WIPF2: variants seen among roughly 807,000 people sequenced by gnomAD.
The protein encoded by WIPF2 is WAS/WASL interacting protein family member 2, also known as WAS/WASL-interacting protein family member 2.
WIPF2 carries 23 observed loss-of-function variants against 38.8 expected under a neutral mutation model. The observed-to-expected ratio is 0.59, with a 90% confidence interval of 0.43 to 0.84. The LOEUF (loss-of-function observed/expected upper bound fraction) is 0.84, where lower values mean the gene tolerates loss of function less well. Ranked by LOEUF, WIPF2 falls within the 40% of genes least tolerant of loss-of-function variation. The pLI is 0.00. For synonymous variants in WIPF2, 210 were observed against 223.2 expected, an observed-to-expected ratio of 0.94 and a Z score of 0.53; for missense variants, 574 against 580.5, an observed-to-expected ratio of 0.99 and a Z score of 0.11.
intron 1 of WIPF2, among the ~76,000 whole-genome samples, chr17:40,228,048 C>T (rs1384489397): frequency 8.8e-6 from 1 of 114,120 alleles, no homozygotes; most frequent in Non-Finnish European, 1.7e-5. Flanking sequence ...CGGAGTCTCG[C>T]TCTGTCGCCC....
At chr17:40,266,929 G>A (rs1181634568) in intron 5 of WIPF2, among the ~76,000 whole-genome samples, 1 of 152,194 alleles carries the variant, frequency 6.6e-6, no homozygotes, top group Non-Finnish European at 1.5e-5. Flanking sequence ...GTAGGTGGGT[G>A]TAGTGGTAGA....
In WIPF2 at chr17:40,234,786, G is replaced by A. The variant is rs115133662; in HGVS notation, c.-70+15294G>A. Among the ~76,000 whole-genome samples the A allele has an allele frequency of 4.1e-3, 627 of 152,222 alleles. 3 individuals are homozygous for A. The highest frequency in any genetic ancestry group is 0.015 in the African/African-American group (610 of 41,522). ...CTTAGCTGCCTTAAGCACCAAAACA[G>A]GCAGTTTGCAGAAAATTAGAAATGG... On this transcript the variant is annotated intron_variant, in intron 1 of 7. Transcript: ENST00000323571.
rs547512343 is a variant in WIPF2, at chr17:40,229,148, G to A, written c.-70+9656G>A. On this transcript the variant is annotated intron_variant, in intron 1 of 7. Coordinates refer to ENST00000323571, the MANE Select transcript of WIPF2 (RefSeq NM_133264.5). ...TTTTTTTTAGATGAGTTTTGTTCTT[G>A]TTGCCCAGGCTGGAGTGCAATGGCA... is the stretch of plus-strand genomic sequence containing the variant. 5.3e-5 allele frequency among the ~76,000 whole-genome samples: 8 copies of A among 149,752 alleles called. No homozygotes were observed. In the South Asian group the frequency reaches 1.7e-3, roughly 32 times the overall value.
At chr17:40,224,424 T>C (rs1237113856) in intron 1 of WIPF2, among the ~76,000 whole-genome samples, 1 of 149,244 alleles carries the variant, frequency 6.7e-6, no homozygotes, top group Non-Finnish European at 1.5e-5. Flanking sequence ...TTTTTTTTTT[T>C]TTGTAGTAGA....
intron 1 of WIPF2, among the ~76,000 whole-genome samples, chr17:40,237,623 T>C (rs1018926156): frequency 6.6e-6 from 1 of 151,732 alleles, no homozygotes; most frequent in Non-Finnish European, 1.5e-5. Context: ...TAATTCCTGT[T>C]ATCAGTTTGT....
Position 40,258,119 on chromosome 17 carries a change from G to A in WIPF2, c.63+1597G>A, listed in dbSNP as rs369917655. On this transcript the variant is annotated intron_variant, in intron 2 of 7. Transcript: ENST00000323571. ...AAGGAGATAAAAGCAGAGCTTGGCC[G>A]GGCACGAGTGGCTCACGCCTGGAAT... is the stretch of plus-strand genomic sequence containing the variant. Among the ~76,000 whole-genome samples the A allele has an allele frequency of 1.8e-4, 28 of 152,284 alleles. No individual in the cohort carries two copies. The South Asian group carries it at 4.1e-3, about 23-fold the overall frequency.
intron 1 of WIPF2, chr17:40,220,614 TATATGTATATATA>T (rs2030180563): frequency 9.9e-6 from 1 of 101,432 alleles, no homozygotes; most frequent in Admixed American, 1.1e-4. Flanking sequence ...TATATATATA[TATATGTATATATA>T]TATATTTTTT....
intron 1 of WIPF2, among the ~76,000 whole-genome samples, chr17:40,234,951 C>T (rs980504681): frequency 6.6e-6 from 1 of 151,828 alleles, no homozygotes; most frequent in African/African-American, 2.4e-5. Context: ...GAGTCTTGCC[C>T]TGTCACCCAG....
At chr17:40,237,042 C>G (rs953567585) in intron 1 of WIPF2, among the ~76,000 whole-genome samples, 1 of 152,052 alleles carries the variant, frequency 6.6e-6, no homozygotes, top group Non-Finnish European at 1.5e-5. Flanking sequence ...ATTCATCATA[C>G]TCAGCATTCA....
chr17:40,247,809 T>C (rs1445904852), intron 1 of WIPF2, among the ~76,000 whole-genome samples: 2 of 152,252 alleles, frequency 1.3e-5, no homozygotes, highest in African/African-American at 4.8e-5. Flanking sequence ...GCTGAGCCAG[T>C]GCACCCAGCC....
At chr17:40,240,929 A>G (rs925044627) in intron 1 of WIPF2, among the ~76,000 whole-genome samples, 3 of 149,110 alleles carry the variant, frequency 2.0e-5, no homozygotes, top group African/African-American at 7.4e-5. Flanking sequence ...TGGGCAACAG[A>G]ATGAGACTCC....
chr17:40,250,491 C>T (rs1040559183), intron 1 of WIPF2, among the ~76,000 whole-genome samples: 5 of 150,216 alleles, frequency 3.3e-5, no homozygotes, highest in African/African-American at 9.8e-5. Flanking sequence ...CCTTGTGATC[C>T]GCCCACCTCG....
chr17:40,229,862 C>T (rs28537537), intron 1 of WIPF2, among the ~76,000 whole-genome samples: 15,863 of 152,118 alleles, frequency 0.1, 967 homozygotes, highest in East Asian at 0.3. Context: ...AGGGTGAAAC[C>T]TAAGAATGAA....
intron 1 of WIPF2, among the ~76,000 whole-genome samples, chr17:40,240,838 G>A (rs749755953): frequency 4.6e-5 from 7 of 151,682 alleles, no homozygotes; most frequent in Non-Finnish European, 7.4e-5. Context: ...CCAGCTACTC[G>A]GGAGGCTGAG....
At chr17:40,264,443 A>G in intron 4 of WIPF2, 47 bp from the exon 5 acceptor site, 3 of 1,588,404 alleles carry the variant, frequency 1.9e-6, no homozygotes, top group Non-Finnish European at 2.6e-6. Context: ...GATACTGACC[A>G]ATATCTGTCC....
intron 1 of WIPF2, among the ~76,000 whole-genome samples, chr17:40,225,348 A>G (rs758641623): frequency 1.3e-5 from 2 of 152,138 alleles, no homozygotes; most frequent in Non-Finnish European, 2.9e-5. Flanking sequence ...AAAATGCTGA[A>G]TAGACCTTTA....
intron 1 of WIPF2, among the ~76,000 whole-genome samples, chr17:40,225,720 G>A (rs567702144): frequency 2.6e-5 from 4 of 152,208 alleles, no homozygotes; most frequent in East Asian, 1.9e-4. Context: ...GTGTGGCGGC[G>A]TGATCTGTAG....
chr17:40,227,348 A>G lies in WIPF2; in HGVS notation c.-70+7856A>G, dbSNP rs115840811. On this transcript the variant is annotated intron_variant, in intron 1 of 7. Transcript: ENST00000323571. The stretch of plus-strand genomic sequence containing the variant: ...GTCACTGCTCCTGGCCACAAATGTT[A>G]TATTTTAAATAAATAATACAAAATT... Among the ~76,000 whole-genome samples, 1,176 of 152,236 alleles carry G rather than the reference A, an allele frequency of 7.7e-3. 17 individuals are homozygous for G. The highest frequency in any genetic ancestry group is 0.027 in the African/African-American group (1,108 of 41,538).
rs1005939492 is a variant in WIPF2 at position 40,284,088 on chromosome 17, C to T, written c.*5863C>T. ...TGGGCTGAATCTCCGATTATTTGAC[C>T]CATCATTGTTATTAATATGGTTAAT... On this transcript the variant is annotated 3_prime_UTR_variant, in exon 8 of 8. Transcript: ENST00000323571. The T allele has an allele frequency of 6.6e-6, 1 of 152,128 alleles. No homozygotes were observed. The highest frequency in any genetic ancestry group is 1.5e-5 in the Non-Finnish European group (1 of 68,030). 9.4% of individuals were successfully genotyped at this position (152,128 alleles called of 1,614,324 possible).
Sources: gnomAD v4.1 joint callset for allele counts (sites outside exome capture counted in the v4.1 genomes callset) on GRCh38, gnomAD v4.1.1 for gene constraint, MANE v1.5 for transcripts, NCBI Gene and HGNC (gene_info 2026-07-23, HGNC 2026-07-21) for gene names.